Variants in CAGE1 observed in about 807,000 individuals in gnomAD.
CAGE1 encodes the protein cancer-associated gene 1 protein.
CAGE1 carries 66 observed loss-of-function variants against 94.9 expected under a neutral mutation model. That is an observed-to-expected ratio of 0.70 (90% CI 0.57 to 0.85). CAGE1 has a LOEUF of 0.85. Ranked by LOEUF, CAGE1 falls within the 40% of genes least tolerant of loss-of-function variation. CAGE1 has a pLI of 0.00. For missense variants in CAGE1, 865 were observed against 950.4 expected, an observed-to-expected ratio of 0.91 and a Z score of 1.18; for synonymous variants, 319 against 321.0, an observed-to-expected ratio of 0.99 and a Z score of 0.07.
chr6:7,355,512 A>G (rs943645224), intron 10 of CAGE1, among the ~76,000 whole-genome samples: 3 of 152,386 alleles, frequency 2.0e-5, no homozygotes, highest in Middle Eastern at 3.4e-3. Flanking sequence ...TAAATTGCCA[A>G]CAGCAGAATG....
At chr6:7,369,024 T>G (rs546531672) in intron 6 of CAGE1, among the ~76,000 whole-genome samples, 62 of 151,700 alleles carry the variant, frequency 4.1e-4, no homozygotes, top group African/African-American at 1.5e-3. Context: ...TTTTTTTTTT[T>G]TTGAGATAGA....
At chr6:7,372,680 T>A (rs9392882) in intron 5 of CAGE1, among the ~76,000 whole-genome samples, 53,966 of 151,832 alleles carry the variant, frequency 0.36, 9,764 homozygotes, top group Admixed American at 0.42. Flanking sequence ...TCTTTTTTTC[T>A]TTTTTTGAGA....
At chr6:7,349,013 C>G (rs1207096788) in intron 11 of CAGE1, among the ~76,000 whole-genome samples, 1 of 152,142 alleles carries the variant, frequency 6.6e-6, no homozygotes, top group Admixed American at 6.5e-5. Context: ...GAAAACTTCC[C>G]TGGCCTTGCA....
intron 9 of CAGE1, among the ~76,000 whole-genome samples, chr6:7,363,838 C>T (rs1335128460): frequency 6.6e-6 from 1 of 152,192 alleles, no homozygotes; most frequent in Admixed American, 6.6e-5. Flanking sequence ...GTTTTAGCAG[C>T]CATTATGATA....
Position 7,339,101 on chromosome 6 carries a change from C to A in CAGE1, c.2370-5011G>T. The A allele has an allele frequency of 6.3e-7, 1 of 1,590,660 alleles. No individual in the cohort carries two copies. On this transcript the variant is annotated intron_variant, in intron 11 of 13. Transcript: ENST00000502583. This position sits in a 1 kb window ranked among gnomAD's most constrained non-coding sequence, Gnocchi z 4.7. ...TAACAGGGTCTCTGCTGTGGATCAT[C>A]AGGCCGTCCACAAACTTCATGGATT... is the stretch of plus-strand genomic sequence containing the variant.
chr6:7,327,932 A>AAAATAAAT (rs56109246), intron 13 of CAGE1, among the ~76,000 whole-genome samples: 18,843 of 149,524 alleles, frequency 0.13, 1,412 homozygotes, highest in Non-Finnish European at 0.17. Context: ...CTCCGTCTAA[A>AAAATAAAT]AAATAAATAA....
Position 7,373,627 on chromosome 6 carries a change from C to T in CAGE1, c.1192G>A (p.Glu398Lys). ...AACATTTCCTTGTCATTCCTGGATTCCTGAAGATGTTTTTGCGTGTTAGCT... is the reference window on the plus strand; with the variant it reads ...AACATTTCCTTGTCATTCCTGGATTTCTGAAGATGTTTTTGCGTGTTAGCT... ...VLANTQKHLQ[E>K]SRNDKEMLQL... The change falls in exon 5 of 14, where the codon GAA becomes AAA. Residue 398 changes from glutamate (E) to lysine (K), a missense_variant. Glu to Lys is a moderately conservative substitution (Grantham distance 56). Transcript: ENST00000502583. The T allele has an allele frequency of 6.2e-7, 1 of 1,613,364 alleles. No homozygotes were observed. Among genetic ancestry groups the T allele is most frequent in the Non-Finnish European group, 8.5e-7 (1 of 1,179,774 alleles).
chr6:7,342,086 T>C, intron 11 of CAGE1: 2 of 928,312 alleles, frequency 2.2e-6, no homozygotes, highest in Non-Finnish European at 3.6e-6. Context: ...AAGACAGAGA[T>C]GTCAATCCCA....
chr6:7,374,016 C>A lies in CAGE1; in HGVS notation c.803G>T (p.Trp268Leu), dbSNP rs1022520241. The change falls in exon 5 of 14, where the codon TGG becomes TTG. Residue 268 changes from tryptophan to leucine, a missense_variant. Physicochemically the swap from Trp to Leu is moderately conservative, Grantham distance 61. Transcript: ENST00000502583. ...GVERPEIVSTWSSAGISWRSE... is the reference protein window; with the variant it reads ...GVERPEIVSTLSSAGISWRSE... ...CCTCCAGGAAATGCCTGCCGAAGAC[C>A]AAGTTGAGACAATTTCTGGCCTCTC... 1.9e-5 allele frequency: 30 copies of A among 1,613,908 alleles called. No individual in the cohort carries two copies. The highest frequency in any genetic ancestry group is 2.5e-5 in the Non-Finnish European group (29 of 1,179,896).
chr6:7,358,027 G>GATATAGATATATATAT (rs1748233178), intron 9 of CAGE1, among the ~76,000 whole-genome samples: 5 of 48,072 alleles, frequency 1.0e-4, no homozygotes, highest in African/African-American at 3.0e-4. Flanking sequence ...TAAGTTTTGA[G>GATATAGATATATATAT]ATATATATAT....
At chr6:7,345,631 A>G (rs1759463144) in intron 11 of CAGE1, among the ~76,000 whole-genome samples, 1 of 152,196 alleles carries the variant, frequency 6.6e-6, no homozygotes, top group South Asian at 2.1e-4. Flanking sequence ...AAGGCCTGTG[A>G]ACGGAAAAAT....
In CAGE1 at chr6:7,362,650, T is replaced by G. The variant is rs1760200875; in HGVS notation, c.2193+2818A>C. 6.6e-6 allele frequency among the ~76,000 whole-genome samples: 1 copy of G among 152,202 alleles called. No individual in the cohort carries two copies. Among genetic ancestry groups the G allele is most frequent in the African/African-American group, 2.4e-5 (1 of 41,454 alleles). The stretch of plus-strand genomic sequence containing the variant: ...GCCAAGGGAAGCATGAGCATCACCC[T>G]GCACTCCAGCGGCCACACCTTGCTG... On this transcript the variant is annotated intron_variant, in intron 9 of 13. Transcript: ENST00000502583. This position sits in a 1 kb window ranked among gnomAD's most constrained non-coding sequence, Gnocchi z 4.1.
chr6:7,341,164 A>G, intron 11 of CAGE1: 1 of 581,602 alleles, frequency 1.7e-6, no homozygotes, highest in South Asian at 1.5e-5. Flanking sequence ...GGGCAGGTAC[A>G]CTTTGTCAAT....
intron 9 of CAGE1, among the ~76,000 whole-genome samples, chr6:7,360,903 C>T (rs898657797): frequency 7.2e-5 from 11 of 152,164 alleles, no homozygotes; most frequent in Admixed American, 4.6e-4. Flanking sequence ...GCCGAGATCA[C>T]GCCAGTGCAC....
rs1759078566 is a variant in CAGE1, at chr6:7,339,231, A to G, written c.2370-5141T>C. On this transcript the variant is annotated intron_variant, in intron 11 of 13. Coordinates refer to ENST00000502583, the MANE Select transcript of CAGE1 (RefSeq NM_001170692.2). This position sits in a 1 kb window ranked among gnomAD's most constrained non-coding sequence, Gnocchi z 4.7. ...ACCATAGCAGGCCCTCCGCACAGCA[A>G]GCCCTCCTAGGAGTTTGTAAGGCAG... 1.8e-5 allele frequency: 29 copies of G among 1,577,144 alleles called. No homozygotes were observed. The South Asian group carries it at 3.1e-4, about 17-fold the overall frequency.
At chr6:7,349,246 GC>G (rs1343791397) in intron 11 of CAGE1, among the ~76,000 whole-genome samples, 1 of 152,150 alleles carries the variant, frequency 6.6e-6, no homozygotes. Flanking sequence ...AGGGTTTGGG[GC>G]CCTATCTTCA....
intron 6 of CAGE1, among the ~76,000 whole-genome samples, chr6:7,369,136 T>A (rs1760456191): frequency 3.3e-5 from 5 of 151,868 alleles, no homozygotes. Context: ...GCCTCCCAAG[T>A]AGATGGGATT....
rs146443102 is a variant in CAGE1 at position 7,382,214 on chromosome 6, G to A, written c.284-3194C>T. Reference sequence around the variant, plus strand: ...TCTTTGTCAATTATACATATTGCATGTATCTTCACTCCATGCTTTTTACTT... The same window carrying A: ...TCTTTGTCAATTATACATATTGCATATATCTTCACTCCATGCTTTTTACTT... On this transcript the variant is annotated intron_variant, in intron 3 of 13. Transcript: ENST00000502583. Among the ~76,000 whole-genome samples the A allele has an allele frequency of 1.7e-3, 261 of 152,186 alleles. 2 individuals carry two copies. The East Asian group carries it at 0.035, about 20-fold the overall frequency.
At chr6:7,361,063 T>C (rs1760149424) in intron 9 of CAGE1, among the ~76,000 whole-genome samples, 1 of 152,192 alleles carries the variant, frequency 6.6e-6, no homozygotes, top group African/African-American at 2.4e-5. Flanking sequence ...CACTCCAGTG[T>C]CATATTTGCT....
Sources: gnomAD v4.1 joint callset for allele counts (sites outside exome capture counted in the v4.1 genomes callset) on GRCh38, gnomAD v4.1.1 for gene constraint, Gnocchi (gnomAD v3.1) non-coding constraint, MANE v1.5 for transcripts, NCBI Gene and HGNC (gene_info 2026-07-23, HGNC 2026-07-21) for gene names.